The following OR4K17 variants were observed in gnomAD, a reference collection of about 807,000 sequenced individuals.
OR4K17 encodes the protein olfactory receptor 4K17.
For missense variants in OR4K17, 480 were observed against 366.3 expected, an observed-to-expected ratio of 1.31 and a Z score of -2.53; for synonymous variants, 157 against 132.8, an observed-to-expected ratio of 1.18 and a Z score of -1.25.
chr14:20,121,426 T>G lies in OR4K17; in HGVS notation c.*2988T>G, dbSNP rs1878166503. The G allele has an allele frequency of 1.3e-5, 2 of 152,240 alleles. No homozygotes were observed. Among genetic ancestry groups the G allele is most frequent in the South Asian group, 2.1e-4 (1 of 4,832 alleles). 9.4% of individuals were successfully genotyped at this position (152,240 alleles called of 1,614,324 possible). A position where few individuals can be genotyped will look rare whatever the true frequency, so the allele number is the denominator to read the frequency against. ...AAATAGTTTTTAAAATTCCAGAAATTTGTTTAAAAATAAATAACATAAAAA... is the reference window on the plus strand; with the variant it reads ...AAATAGTTTTTAAAATTCCAGAAATGTGTTTAAAAATAAATAACATAAAAA... On this transcript the variant is annotated 3_prime_UTR_variant, in exon 2 of 2. Transcript: ENST00000641386.
chr14:20,114,184 A>G (rs986920983), intron 1 of OR4K17, among the ~76,000 whole-genome samples: 44 of 152,092 alleles, frequency 2.9e-4, no homozygotes, highest in African/African-American at 9.9e-4. Flanking sequence ...ACCCTCACAC[A>G]TGGATGGTAT....
chr14:20,118,522 C>G lies in OR4K17; in HGVS notation c.*84C>G. The G allele has an allele frequency of 2.7e-6, 2 of 739,966 alleles. No individual in the cohort carries two copies. Among genetic ancestry groups the G allele is most frequent in the Non-Finnish European group, 4.4e-6 (2 of 455,628 alleles). The allele number at this position is 739,966 out of a possible 1,614,324, so 45.8% of individuals were successfully genotyped here. A position where few individuals can be genotyped will look rare whatever the true frequency, so the allele number is the denominator to read the frequency against. On this transcript the variant is annotated 3_prime_UTR_variant, in exon 2 of 2. Coordinates refer to ENST00000641386, the MANE Select transcript of OR4K17 (RefSeq NM_001004715.5). Reference sequence around the variant, plus strand: ...TTGGGAGGAATATCAGGGGAACCAGCCCCCAATATTTCAACATAGGTTCTT... The same window carrying G: ...TTGGGAGGAATATCAGGGGAACCAGGCCCCAATATTTCAACATAGGTTCTT...
At chr14:20,111,658 G>A (rs937043854) in intron 1 of OR4K17, among the ~76,000 whole-genome samples, 1 of 151,974 alleles carries the variant, frequency 6.6e-6, no homozygotes, top group African/African-American at 2.4e-5. Context: ...CAATTTCCAG[G>A]AAAGAAATTG....
At chr14:20,115,222 C>G (rs148483052) in intron 1 of OR4K17, among the ~76,000 whole-genome samples, 101 of 152,178 alleles carry the variant, frequency 6.6e-4, no homozygotes, top group Middle Eastern at 3.4e-3. Flanking sequence ...TATCTGAGCA[C>G]AAGTGTTTTC....
chr14:20,121,987 T>C lies in OR4K17; in HGVS notation c.*3549T>C, dbSNP rs890208861. On this transcript the variant is annotated 3_prime_UTR_variant, in exon 2 of 2. Transcript: ENST00000641386. ...TATAAATCATACAACAGAATGCATGTAAGTTTTATGCAAATACTGTGACAT... is the reference window on the plus strand; with the variant it reads ...TATAAATCATACAACAGAATGCATGCAAGTTTTATGCAAATACTGTGACAT... 3 of 152,150 alleles carry C rather than the reference T, an allele frequency of 2.0e-5. No homozygotes were observed. The highest frequency in any genetic ancestry group is 4.4e-5 in the Non-Finnish European group (3 of 67,986). 9.4% of individuals were successfully genotyped at this position (152,150 alleles called of 1,614,324 possible).
In OR4K17 at chr14:20,121,883, A is replaced by G. The variant is rs1262388793; in HGVS notation, c.*3445A>G. On this transcript the variant is annotated 3_prime_UTR_variant, in exon 2 of 2. Coordinates refer to ENST00000641386, the MANE Select transcript of OR4K17 (RefSeq NM_001004715.5). ...TAAATAAATAAATAACAGCACAACAATAAAAATAATACAAAATTTTAAAAC... is the reference window on the plus strand; with the variant it reads ...TAAATAAATAAATAACAGCACAACAGTAAAAATAATACAAAATTTTAAAAC... 1 of 152,078 alleles carries G rather than the reference A, an allele frequency of 6.6e-6. No individual in the cohort carries two copies. The highest frequency in any genetic ancestry group is 2.4e-5 in the African/African-American group (1 of 41,454). 9.4% of individuals were successfully genotyped at this position (152,078 alleles called of 1,614,324 possible).
At position 20,117,690 on chromosome 14, in the gene OR4K17, G is replaced by C. The variant is rs201880365; in HGVS notation, c.191G>C (p.Gly64Ala). 8 of 1,613,834 alleles carry C rather than the reference G, an allele frequency of 5.0e-6. No homozygotes were observed. The highest frequency in any genetic ancestry group is 1.7e-5 in the Admixed American group (1 of 59,974). Residue 64 changes from glycine (G) to alanine (A), a missense_variant, in exon 2 of 2, where the codon GGT (glycine) becomes GCT (alanine). By Grantham distance (60) the Gly-to-Ala change is moderately conservative (BLOSUM62 0). Transcript: ENST00000641386. ...AATACTCCCATGTATTTTCTCCTTG[G>C]TAATCTCTCTTTTGTAGATATGACC... ...NLNTPMYFLL[G>A]NLSFVDMTLA...
rs952025879 is a variant in OR4K17 at position 20,118,558 on chromosome 14, C to T, written c.*120C>T. 4.8e-6 allele frequency: 3 copies of T among 627,840 alleles called. No homozygotes were observed. Among genetic ancestry groups the T allele is most frequent in the Non-Finnish European group, 8.2e-6 (3 of 367,990 alleles). 38.9% of individuals were successfully genotyped at this position (627,840 alleles called of 1,614,324 possible). The stretch of plus-strand genomic sequence containing the variant: ...TCAACATAGGTTCTTTTCTATTTTC[C>T]CTAAGTGTTGACTGGTCTGAGAAAT... On this transcript the variant is annotated 3_prime_UTR_variant, in exon 2 of 2. Transcript: ENST00000641386.
rs1276721092 is a variant in OR4K17, at chr14:20,118,196, C to A, written c.697C>A (p.Gln233Lys). The change falls in exon 2 of 2, where the codon CAA (glutamine) becomes AAA (lysine). Residue 233 changes from glutamine to lysine, a missense_variant. Coordinates refer to ENST00000641386, the MANE Select transcript of OR4K17 (RefSeq NM_001004715.5). Reference sequence around the variant, plus strand: ...CATTAAGAACCACTCTCCTACTGGGCAATCTAAAGCCCGTTCCACTTTGAC... The same window carrying A: ...CATTAAGAACCACTCTCCTACTGGGAAATCTAAAGCCCGTTCCACTTTGAC... ...ITIKNHSPTG[Q>K]SKARSTLTAH... 2.5e-6 allele frequency: 4 copies of A among 1,613,968 alleles called. No individual in the cohort carries two copies. Among genetic ancestry groups the A allele is most frequent in the Non-Finnish European group, 3.4e-6 (4 of 1,179,830 alleles).
At position 20,121,761 on chromosome 14, in the gene OR4K17, T is replaced by C. The variant is rs567886436; in HGVS notation, c.*3323T>C. ...GTGTAAAAAATAACCAGAAAACAAT[T>C]AATAAAATGGAGGTACTAAGCACAG... On this transcript the variant is annotated 3_prime_UTR_variant, in exon 2 of 2. Transcript: ENST00000641386. 1 of 151,850 alleles carries C rather than the reference T, an allele frequency of 6.6e-6. No individual in the cohort carries two copies. The highest frequency in any genetic ancestry group is 6.6e-5 in the Admixed American group (1 of 15,238). The allele number at this position is 151,850 out of a possible 1,614,324, so 9.4% of individuals were successfully genotyped here. A position where few individuals can be genotyped will look rare whatever the true frequency, so the allele number is the denominator to read the frequency against.
intron 1 of OR4K17, among the ~76,000 whole-genome samples, chr14:20,111,263 T>A (rs139030294): frequency 6.6e-6 from 1 of 151,894 alleles, no homozygotes; most frequent in Non-Finnish European, 1.5e-5. Context: ...AAGACAGAAG[T>A]ATATATAAAT....
chr14:20,117,391 A>C, intron 1 of OR4K17, 77 bp from the exon 2 acceptor site: 1 of 1,547,324 alleles, frequency 6.5e-7, no homozygotes, highest in Non-Finnish European at 8.7e-7. Flanking sequence ...AGGAATGCAT[A>C]AGTTTGGTTT....
chr14:20,120,732 T>G lies in OR4K17; in HGVS notation c.*2294T>G, dbSNP rs181856812. The G allele has an allele frequency of 6.6e-6, 1 of 152,420 alleles. No individual in the cohort carries two copies. The highest frequency in any genetic ancestry group is 1.9e-4 in the East Asian group (1 of 5,188). The allele number at this position is 152,420 out of a possible 1,614,324, so 9.4% of individuals were successfully genotyped here. ...GATCTATAGTACCTCCATTCATACC[T>G]GCGCTTATGGCTCCAGATCCATGGC... On this transcript the variant is annotated 3_prime_UTR_variant, in exon 2 of 2. Transcript: ENST00000641386.
At position 20,117,568 on chromosome 14, in the gene OR4K17, A is replaced by G. The variant is rs1409547260; in HGVS notation, c.69A>G (p.Val23=). The change falls in exon 2 of 2, where the codon GTA becomes GTG. Residue 23 remains valine, a synonymous_variant. Coordinates refer to ENST00000641386, the MANE Select transcript of OR4K17 (RefSeq NM_001004715.5). ...ILLGLTSSQD[V]EFLLFALFSV... ...TGGGACTGACCAGCTCCCAGGATGT[A>G]GAGTTTCTTCTCTTTGCCCTCTTCT... The G allele has an allele frequency of 6.2e-7, 1 of 1,613,936 alleles. No individual in the cohort carries two copies. The highest frequency in any genetic ancestry group is 1.7e-5 in the Admixed American group (1 of 59,974).
chr14:20,114,260 T>C (rs1462207673), intron 1 of OR4K17, among the ~76,000 whole-genome samples: 1 of 152,042 alleles, frequency 6.6e-6, no homozygotes, highest in African/African-American at 2.4e-5. Context: ...TATTTTTCCA[T>C]GGATCATGTT....
rs1197825297 is a variant in OR4K17 at position 20,121,259 on chromosome 14, G to A, written c.*2821G>A. 6.6e-6 allele frequency: 1 copy of A among 152,192 alleles called. No homozygotes were observed. Among genetic ancestry groups the A allele is most frequent in the South Asian group, 2.1e-4 (1 of 4,826 alleles). The allele number at this position is 152,192 out of a possible 1,614,324, so 9.4% of individuals were successfully genotyped here. A position where few individuals can be genotyped will look rare whatever the true frequency, so the allele number is the denominator to read the frequency against. On this transcript the variant is annotated 3_prime_UTR_variant, in exon 2 of 2. Coordinates refer to ENST00000641386, the MANE Select transcript of OR4K17 (RefSeq NM_001004715.5). The stretch of plus-strand genomic sequence containing the variant: ...TCCAGTATCTGTCTCCAAAGAAACA[G>A]AGACCTATGAACTCCCAGACAAAGA...
Position 20,117,952 on chromosome 14 carries a change from G to A in OR4K17, c.453G>A (p.Leu151=). The change falls in exon 2 of 2, where the codon TTG becomes TTA. Residue 151 remains leucine, a synonymous_variant. Coordinates refer to ENST00000641386, the MANE Select transcript of OR4K17 (RefSeq NM_001004715.5). ...TGCTTGTAGTGACCTCATGGCTCTT[G>A]GGTCTCCTTCACTCAGGGTTTCAGA... is the stretch of plus-strand genomic sequence containing the variant. ...CVLLVVTSWL[L]GLLHSGFQIP... is the part of the protein sequence containing the mutation. 6.2e-7 allele frequency: 1 copy of A among 1,614,028 alleles called. No individual in the cohort carries two copies.
Position 20,118,318 on chromosome 14 carries a change from G to A in OR4K17, c.819G>A (p.Val273=). ...GNHSVDKFLA[V]FYTIITPILN... ...ACTCTGTAGATAAGTTCCTTGCTGT[G>A]TTTTATACCATCATCACTCCTATCT... Residue 273 remains valine (V), a synonymous_variant, in exon 2 of 2, where the codon GTG becomes GTA. Coordinates refer to ENST00000641386, the MANE Select transcript of OR4K17 (RefSeq NM_001004715.5). 1 of 1,613,236 alleles carries A rather than the reference G, an allele frequency of 6.2e-7. No homozygotes were observed. The highest frequency in any genetic ancestry group is 1.1e-5 in the South Asian group (1 of 91,060).
rs576769080 is a variant in OR4K17, at chr14:20,119,708, C to T, written c.*1270C>T. The T allele has an allele frequency of 1.3e-5, 2 of 152,230 alleles. No homozygotes were observed. The highest frequency in any genetic ancestry group is 4.8e-5 in the African/African-American group (2 of 41,502). 9.4% of individuals were successfully genotyped at this position (152,230 alleles called of 1,614,324 possible). ...CAAAAATTAGCCAGGCGTGGTGGTG[C>T]ATCCCTGCAATCCCAGCTATTCAGG... On this transcript the variant is annotated 3_prime_UTR_variant, in exon 2 of 2. Transcript: ENST00000641386.
Sources: gnomAD v4.1 joint callset for allele counts (sites outside exome capture counted in the v4.1 genomes callset) on GRCh38, gnomAD v4.1.1 for gene constraint, MANE v1.5 for transcripts, NCBI Gene and HGNC (gene_info 2026-07-23, HGNC 2026-07-21) for gene names.